Variants in CD55 observed in about 807,000 individuals in gnomAD.
CD55 encodes complement decay-accelerating factor.
Under a neutral mutation model 45.8 loss-of-function variants are expected in CD55, and 41 were observed. The ratio of observed to expected loss-of-function variants is 0.90; its 90% CI spans 0.70 to 1.16. The LOEUF (loss-of-function observed/expected upper bound fraction) is 1.16, where lower values mean the gene tolerates loss of function less well. CD55 is among the 50% of genes most tolerant of loss of function. The pLI is 0.00. For synonymous variants in CD55, 181 were observed against 181.1 expected, an observed-to-expected ratio of 1.00 and a Z score of 0.01; for missense variants, 416 against 469.8, an observed-to-expected ratio of 0.89 and a Z score of 1.06.
At chr1:207,347,420 C>T (rs575281224) in intron 9 of CD55, 34 of 348,884 alleles carry the variant, frequency 9.7e-5, no homozygotes, top group African/African-American at 3.6e-4. Flanking sequence ...CCACCACACC[C>T]GGCTAATTTT....
chr1:207,350,365 T>G (rs1655817863), intron 9 of CD55, among the ~76,000 whole-genome samples: 1 of 152,204 alleles, frequency 6.6e-6, no homozygotes, highest in Non-Finnish European at 1.5e-5. Context: ...ATCAGTGTGA[T>G]GCTGGCCTTA....
At chr1:207,326,705 A>G in intron 4 of CD55, 47 bp from the exon 5 acceptor site, 1 of 1,381,298 alleles carries the variant, frequency 7.2e-7, no homozygotes, top group Non-Finnish European at 1.0e-6. Context: ...GGAAAGTCAA[A>G]TATGTGTGAA....
intron 8 of CD55, 106 bp downstream of exon 8, chr1:207,337,515 G>A (rs28371626): frequency 0.027 from 18,054 of 678,418 alleles, 378 homozygotes; most frequent in Middle Eastern, 0.066. Context: ...ATTTATTGTA[G>A]CCAGGGTTTT....
intron 9 of CD55, chr1:207,353,963 C>T (rs1558159105): frequency 7.2e-6 from 11 of 1,518,964 alleles, no homozygotes; most frequent in East Asian, 2.5e-5. Context: ...CTTTCCATAA[C>T]TTTTTGTTTT....
chr1:207,322,361 G>C, intron 1 of CD55, 21 bp from the exon 2 acceptor site: 1 of 1,609,616 alleles, frequency 6.2e-7, no homozygotes, highest in Non-Finnish European at 8.5e-7. Flanking sequence ...ATTTCCTTCA[G>C]TTCTGCTTTT....
intron 9 of CD55, among the ~76,000 whole-genome samples, chr1:207,346,571 C>T (rs919302425): frequency 1.3e-5 from 2 of 152,118 alleles, no homozygotes; most frequent in African/African-American, 4.8e-5. Context: ...ATGCAGTTTG[C>T]TCATGCCTCA....
In CD55 at chr1:207,357,730, G is replaced by T. The variant is rs201265482; in HGVS notation, c.1082-1816G>T. ...TAAAGTACTGGAACATCGAAGGAGG[G>T]AATACAGTAATTTCTGCTTATCCTC... is the stretch of plus-strand genomic sequence containing the variant. On this transcript the variant is annotated intron_variant, in intron 9 of 9. Transcript: ENST00000367064. Among the ~76,000 whole-genome samples, 4 of 152,150 alleles carry T rather than the reference G, an allele frequency of 2.6e-5. No homozygotes were observed. In the East Asian group the frequency reaches 7.7e-4, roughly 29 times the overall value.
chr1:207,325,142 C>T (rs564102889), intron 3 of CD55, among the ~76,000 whole-genome samples: 31 of 151,912 alleles, frequency 2.0e-4, no homozygotes, highest in Non-Finnish European at 4.4e-4. Context: ...TGAGAGTAGC[C>T]TGGCCAACAT....
chr1:207,325,810 T>G (rs1654656528), intron 4 of CD55, 89 bp downstream of exon 4: 2 of 714,846 alleles, frequency 2.8e-6, no homozygotes, highest in South Asian at 3.5e-5. Context: ...ATGACTGGTA[T>G]TCACAGCTAG....
At chr1:207,353,528 G>T (rs1325008835) in intron 9 of CD55, among the ~76,000 whole-genome samples, 1 of 152,092 alleles carries the variant, frequency 6.6e-6, no homozygotes, top group Non-Finnish European at 1.5e-5. Flanking sequence ...AAGTTAATAA[G>T]ATGTGGTTAC....
chr1:207,352,236 A>AT (rs906440809), intron 9 of CD55, among the ~76,000 whole-genome samples: 4 of 120,116 alleles, frequency 3.3e-5, no homozygotes, highest in Admixed American at 1.8e-4. Context: ...GTGTTTCCCA[A>AT]TTTTTTTTTG....
At chr1:207,343,492 CTGT>C (rs1460971856) in intron 9 of CD55, among the ~76,000 whole-genome samples, 1 of 152,034 alleles carries the variant, frequency 6.6e-6, no homozygotes, top group African/African-American at 2.4e-5. Context: ...TCCAAAGTTC[CTGT>C]TGTTATTAAT....
At chr1:207,350,434 G>A (rs1054840946) in intron 9 of CD55, among the ~76,000 whole-genome samples, 2 of 152,082 alleles carry the variant, frequency 1.3e-5, no homozygotes, top group African/African-American at 2.4e-5. Context: ...ATTGGTACCG[G>A]CTCTTGTTTG....
At chr1:207,324,487 A>G (rs1333141307) in intron 2 of CD55, 72 bp from the exon 3 acceptor site, 2 of 984,140 alleles carry the variant, frequency 2.0e-6, no homozygotes, top group Non-Finnish European at 3.0e-6. Context: ...TAGGGTCCAG[A>G]TAATTAAATA....
At chr1:207,355,837 A>C (rs754776799) in intron 9 of CD55, among the ~76,000 whole-genome samples, 2 of 152,238 alleles carry the variant, frequency 1.3e-5, no homozygotes, top group African/African-American at 2.4e-5. Flanking sequence ...TCAACGATCA[A>C]AACATTTAAA....
intron 9 of CD55, chr1:207,340,655 C>T (rs978497498): frequency 1.2e-5 from 7 of 601,496 alleles, no homozygotes; most frequent in African/African-American, 7.6e-5. Flanking sequence ...GTGTGAGCCA[C>T]TGCACCTGGC....
intron 8 of CD55, among the ~76,000 whole-genome samples, chr1:207,337,900 A>G (rs1304582925): frequency 6.6e-6 from 1 of 152,184 alleles, no homozygotes; most frequent in Non-Finnish European, 1.5e-5. Context: ...CCTTTCAAAT[A>G]GTTCGTATTA....
rs1656249444 is a variant in CD55, at chr1:207,360,337, T to C, written c.*727T>C. 6.6e-6 allele frequency: 1 copy of C among 152,208 alleles called. No homozygotes were observed. The allele number at this position is 152,208 out of a possible 1,614,324, so 9.4% of individuals were successfully genotyped here. A position where few individuals can be genotyped will look rare whatever the true frequency, so the allele number is the denominator to read the frequency against. ...ATTATATATTATTTCTGAATCGAGATGTCCATAGTCAAATTTGTAAATCTT... is the reference window on the plus strand; with the variant it reads ...ATTATATATTATTTCTGAATCGAGACGTCCATAGTCAAATTTGTAAATCTT... On this transcript the variant is annotated 3_prime_UTR_variant, in exon 10 of 10. Transcript: ENST00000367064.
intron 9 of CD55, among the ~76,000 whole-genome samples, chr1:207,356,786 T>C (rs1656092409): frequency 6.6e-6 from 1 of 152,216 alleles, no homozygotes; most frequent in Admixed American, 6.5e-5. Context: ...ATTTAAAATA[T>C]CTAATCTGCA....
Sources: allele counts gnomAD v4.1 joint callset (sites outside exome capture counted in the v4.1 genomes callset), GRCh38; gene constraint gnomAD v4.1.1; transcripts MANE v1.5; gene names NCBI Gene and HGNC (gene_info 2026-07-23, HGNC 2026-07-21).